SLC4A5: variants seen among roughly 807,000 people sequenced by gnomAD.
The protein encoded by SLC4A5 is electrogenic sodium bicarbonate cotransporter 4.
In SLC4A5, 96 loss-of-function variants were observed where a neutral mutation model predicts 120.4. That is an observed-to-expected ratio of 0.80 (90% CI 0.68 to 0.94). SLC4A5 has a LOEUF of 0.94. SLC4A5 is among the 40% of genes least tolerant of loss of function. SLC4A5 has a pLI of 0.00. For synonymous variants in SLC4A5, 550 were observed against 571.1 expected (o/e 0.96, Z 0.53); for missense variants, 1,259 against 1,459.5 (o/e 0.86, Z 2.24).
At chr2:74,256,015 C>T in intron 12 of SLC4A5, 83 bp from the exon 13 acceptor site, 2 of 1,481,920 alleles carry the variant, frequency 1.3e-6, no homozygotes, top group South Asian at 1.3e-5. Flanking sequence ...TGCTTTGAGG[C>T]CTAACTTGAA....
intron 12 of SLC4A5, among the ~76,000 whole-genome samples, 200 bp downstream of exon 12, chr2:74,259,388 C>T (rs910836614): frequency 6.6e-6 from 1 of 152,176 alleles, no homozygotes; most frequent in Non-Finnish European, 1.5e-5. Context: ...ACAGAGCCAG[C>T]ACCTGGGACT....
At chr2:74,268,880 T>G (rs1160785535) in intron 8 of SLC4A5, among the ~76,000 whole-genome samples, 1 of 152,262 alleles carries the variant, frequency 6.6e-6, no homozygotes, top group East Asian at 1.9e-4. Flanking sequence ...TAACTGTATA[T>G]TTTGCATTAT....
At chr2:74,247,006 G>A (rs1363245221) in intron 19 of SLC4A5, 30 bp downstream of exon 19, 1 of 1,608,392 alleles carries the variant, frequency 6.2e-7, no homozygotes, top group Non-Finnish European at 8.5e-7. Flanking sequence ...GTAGGTGAGG[G>A]CCCACGGCAT....
chr2:74,259,578 G>A lies in SLC4A5; in HGVS notation c.867+10C>T, dbSNP rs201404795. ...CCCTCCATTGCAGCTAAGTGCAGGG[G>A]TTTTACTACCTGGTCTGTGTTTGGG... is the stretch of plus-strand genomic sequence containing the variant. On this transcript the variant is annotated intron_variant, in intron 12 of 30. Transcript: ENST00000394019. 231 of 1,614,152 alleles carry A rather than the reference G, an allele frequency of 1.4e-4. No individual in the cohort carries two copies. The African/African-American group carries it at 2.6e-3, about 18-fold the overall frequency.
At chr2:74,250,252 C>A in intron 17 of SLC4A5, 91 bp downstream of exon 17, 2 of 1,376,692 alleles carry the variant, frequency 1.5e-6, no homozygotes, top group Non-Finnish European at 2.0e-6. Context: ...TAGATGAAAC[C>A]TTGGTTTTGG....
chr2:74,274,239 G>A (rs1264180425), intron 8 of SLC4A5, among the ~76,000 whole-genome samples: 2 of 152,218 alleles, frequency 1.3e-5, no homozygotes, highest in African/African-American at 2.4e-5. Context: ...GCAGGCGGAA[G>A]TTACAGTGAG....
chr2:74,251,772 A>C (rs1478758674), intron 16 of SLC4A5, among the ~76,000 whole-genome samples: 1 of 152,214 alleles, frequency 6.6e-6, no homozygotes. Flanking sequence ...ACCAGAAGCC[A>C]GGAGGAGGCC....
chr2:74,313,540 T>C (rs919974924), intron 6 of SLC4A5, among the ~76,000 whole-genome samples: 1 of 152,190 alleles, frequency 6.6e-6, no homozygotes, highest in Non-Finnish European at 1.5e-5. Context: ...CACTGCATGC[T>C]CTTCTGGATC....
At chr2:74,264,428 G>A in intron 9 of SLC4A5, 129 bp from the exon 10 acceptor site, 1 of 1,098,016 alleles carries the variant, frequency 9.1e-7, no homozygotes, top group Non-Finnish European at 1.3e-6. Flanking sequence ...TCCTGGCTTT[G>A]CCACTAGCTG....
intron 7 of SLC4A5, chr2:74,290,514 G>C (rs1558897637): frequency 5.1e-6 from 5 of 984,938 alleles, no homozygotes; most frequent in African/African-American, 1.8e-5. Context: ...TATAGGTGTG[G>C]TAAGTGTAAG....
At chr2:74,309,756 C>T (rs757260659) in intron 6 of SLC4A5, among the ~76,000 whole-genome samples, 5 of 151,518 alleles carry the variant, frequency 3.3e-5, no homozygotes, top group East Asian at 3.9e-4. Flanking sequence ...CCCGGGTTCA[C>T]GCCATTCTCC....
chr2:74,226,884 G>T, intron 27 of SLC4A5, 73 bp downstream of exon 27: 1 of 1,520,928 alleles, frequency 6.6e-7, no homozygotes, highest in Non-Finnish European at 9.0e-7. Context: ...GGCAGGAGGG[G>T]AGGTTGCGCT....
At chr2:74,298,578 A>G (rs1672394939) in intron 7 of SLC4A5, among the ~76,000 whole-genome samples, 1 of 152,208 alleles carries the variant, frequency 6.6e-6, no homozygotes, top group Non-Finnish European at 1.5e-5. Flanking sequence ...TAGTGCAACA[A>G]TATCATATGA....
intron 14 of SLC4A5, 36 bp from the exon 15 acceptor site, chr2:74,253,164 G>T: frequency 6.2e-7 from 1 of 1,612,090 alleles, no homozygotes. Context: ...AGAAAGATCG[G>T]GTCTGTTTCT....
At chr2:74,340,428 G>C (rs556104546) in intron 2 of SLC4A5, among the ~76,000 whole-genome samples, 1 of 152,282 alleles carries the variant, frequency 6.6e-6, no homozygotes, top group East Asian at 1.9e-4. Flanking sequence ...ATGTTACTGA[G>C]CAGCGATGAA....
chr2:74,234,237 G>A (rs1187387870), intron 22 of SLC4A5, among the ~76,000 whole-genome samples: 1 of 150,012 alleles, frequency 6.7e-6, no homozygotes, highest in Non-Finnish European at 1.5e-5. Context: ...GCAGTGCAGT[G>A]GCGTGATCTC....
chr2:74,222,533 C>A (rs1694687445), intron 29 of SLC4A5, among the ~76,000 whole-genome samples: 1 of 152,184 alleles, frequency 6.6e-6, no homozygotes, highest in Non-Finnish European at 1.5e-5. Context: ...CAAGCATTAA[C>A]CCCTGTGCTC....
intron 10 of SLC4A5, among the ~76,000 whole-genome samples, chr2:74,263,665 C>A (rs557346308): frequency 6.6e-6 from 1 of 152,178 alleles, no homozygotes; most frequent in Non-Finnish European, 1.5e-5. Context: ...CTTCTACCAC[C>A]CTGATGTGTT....
At chr2:74,227,065 C>T in exon 27 of SLC4A5, 2 of 1,614,142 alleles carry the variant, frequency 1.2e-6, no homozygotes, top group Non-Finnish European at 1.7e-6. Context: ...GCGGCACGTG[C>T]CGCAGGAAGG....
Sources: allele counts gnomAD v4.1 joint callset (sites outside exome capture counted in the v4.1 genomes callset), GRCh38; gene constraint gnomAD v4.1.1; transcripts MANE v1.5; gene names NCBI Gene and HGNC (gene_info 2026-07-23, HGNC 2026-07-21).